METTL15: variants seen among roughly 807,000 people sequenced by gnomAD.
METTL15 encodes 12S rRNA N(4)-cytidine methyltransferase METTL15.
Under a neutral mutation model 38.3 loss-of-function variants are expected in METTL15, and 34 were observed. The observed-to-expected ratio is 0.89, with a 90% CI of 0.68 to 1.18. METTL15 has a LOEUF of 1.18. Ranked by LOEUF, METTL15 falls within the 50% of genes most tolerant of loss-of-function variation. The probability of loss-of-function intolerance (pLI) is 0.00; values close to 1 mark genes in which losing one functional copy is unlikely to be tolerated. For missense variants in METTL15, 438 were observed against 498.4 expected (o/e 0.88, Z 1.15); for synonymous variants, 162 against 170.9 (o/e 0.95, Z 0.41).
chr11:28,309,764 T>G (rs1326012487), intron 6 of METTL15, among the ~76,000 whole-genome samples: 1 of 152,192 alleles, frequency 6.6e-6, no homozygotes, highest in East Asian at 1.9e-4. Flanking sequence ...TTTCCTAGTC[T>G]CTGGGATGGA....
chr11:28,256,120 T>C (rs1279169282), intron 4 of METTL15, among the ~76,000 whole-genome samples: 1 of 152,218 alleles, frequency 6.6e-6, no homozygotes, highest in Non-Finnish European at 1.5e-5. Flanking sequence ...TATTGAGGGT[T>C]TTTGCATTAA....
intron 6 of METTL15, among the ~76,000 whole-genome samples, chr11:28,454,190 G>T (rs1005481014): frequency 1.3e-5 from 2 of 152,188 alleles, no homozygotes; most frequent in Admixed American, 6.5e-5. Context: ...TTATCTAAGT[G>T]TAAGTCATTC....
At chr11:28,362,169 G>A (rs1191269458) in intron 5 of METTL15, 1 of 152,030 alleles carries the variant, frequency 6.6e-6, no homozygotes, top group African/African-American at 2.4e-5. Flanking sequence ...AGTAGAAATA[G>A]CATTAGACAA....
At chr11:28,335,752 T>C (rs1007322209), downstream of METTL15, among the ~76,000 whole-genome samples, 1 of 152,152 alleles carries the variant, frequency 6.6e-6, no homozygotes, top group Non-Finnish European at 1.5e-5. Context: ...TGCCTTGTGA[T>C]TACACACCAG....
chr11:28,421,657 A>G (rs1030796907), intron 5 of METTL15, among the ~76,000 whole-genome samples: 1 of 151,988 alleles, frequency 6.6e-6, no homozygotes, highest in Non-Finnish European at 1.5e-5. Context: ...AAAATTTAAC[A>G]TCTGCATGAT....
chr11:28,422,049 A>G (rs577520163), intron 5 of METTL15, among the ~76,000 whole-genome samples: 57 of 152,216 alleles, frequency 3.7e-4, no homozygotes, highest in Non-Finnish European at 6.3e-4. Context: ...CCAACAGCAA[A>G]CAATCTGGAA....
At chr11:28,419,648 G>A (rs1233158963) in intron 5 of METTL15, among the ~76,000 whole-genome samples, 1 of 152,086 alleles carries the variant, frequency 6.6e-6, no homozygotes, top group Non-Finnish European at 1.5e-5. Flanking sequence ...AGGAAAACAT[G>A]ACCTTACCAA....
At chr11:28,401,605 C>T (rs935994876) in intron 5 of METTL15, among the ~76,000 whole-genome samples, 35 of 151,972 alleles carry the variant, frequency 2.3e-4, no homozygotes, top group African/African-American at 7.0e-4. Flanking sequence ...CCATACTAGC[C>T]CACACACAAG....
intron 6 of METTL15, among the ~76,000 whole-genome samples, chr11:28,432,499 G>A (rs534145215): frequency 6.6e-6 from 1 of 152,312 alleles, no homozygotes; most frequent in Admixed American, 6.5e-5. Flanking sequence ...GAAGGCAAGA[G>A]GGGCGAATGC....
rs1849861676 is a variant in METTL15 at position 28,333,102 on chromosome 11, T to C, written c.*2261T>C. On this transcript the variant is annotated 3_prime_UTR_variant, in exon 7 of 7. Coordinates refer to ENST00000407364, the MANE Select transcript of METTL15 (RefSeq NM_001113528.2). ...GAGTTCCAGTAGTTGCCAACCCTGC[T>C]AACATGGTTTTGCACATCTAGCATC... 1 of 151,688 alleles carries C rather than the reference T, an allele frequency of 6.6e-6. No individual in the cohort carries two copies. Among genetic ancestry groups the C allele is most frequent in the South Asian group, 2.1e-4 (1 of 4,792 alleles). 9.4% of individuals were successfully genotyped at this position (151,688 alleles called of 1,614,324 possible).
At chr11:28,529,068 T>C (rs1851829651), downstream of METTL15, among the ~76,000 whole-genome samples, 1 of 152,164 alleles carries the variant, frequency 6.6e-6, no homozygotes, top group African/African-American at 2.4e-5. Context: ...CCTAAAATGT[T>C]CAGGAAGGAT....
chr11:28,113,740 A>T lies in METTL15; in HGVS notation c.270+136A>T, dbSNP rs1450049691. On this transcript the variant is annotated intron_variant, in intron 3 of 6. Transcript: ENST00000407364. ...TCCCAACTTTTGATGGTTGATGCGA[A>T]AGTGATACACATTCAGTAGAAATTG... The T allele has an allele frequency of 7.0e-6, 6 of 862,014 alleles. No homozygotes were observed. The African/African-American group carries it at 8.6e-5, about 12-fold the overall frequency. 53.4% of individuals were successfully genotyped at this position (862,014 alleles called of 1,614,324 possible). A position where few individuals can be genotyped will look rare whatever the true frequency, so the allele number is the denominator to read the frequency against.
intron 4 of METTL15, among the ~76,000 whole-genome samples, chr11:28,235,351 T>G (rs895990003): frequency 6.6e-6 from 1 of 152,012 alleles, no homozygotes; most frequent in Non-Finnish European, 1.5e-5. Flanking sequence ...AGAAAGTCAT[T>G]GGTAGCTTGA....
At chr11:28,468,379 C>A (rs7123683) in intron 6 of METTL15, among the ~76,000 whole-genome samples, 1 of 151,756 alleles carries the variant, frequency 6.6e-6, no homozygotes, top group Non-Finnish European at 1.5e-5. Context: ...AGTGCGTTCA[C>A]GAAAAAACAA....
intron 6 of METTL15, among the ~76,000 whole-genome samples, chr11:28,478,333 A>T (rs1160638991): frequency 6.6e-6 from 1 of 152,158 alleles, no homozygotes. Flanking sequence ...ACTCACAGAG[A>T]TGGTGATTAT....
intron 4 of METTL15, among the ~76,000 whole-genome samples, chr11:28,260,260 A>C (rs945342316): frequency 3.3e-5 from 5 of 152,140 alleles, no homozygotes; most frequent in Non-Finnish European, 7.3e-5. Flanking sequence ...CCTGTTTCAT[A>C]GATGTCACTT....
chr11:28,378,872 A>T (rs1465939911), intron 5 of METTL15, among the ~76,000 whole-genome samples: 1 of 150,314 alleles, frequency 6.7e-6, no homozygotes, highest in African/African-American at 2.4e-5. Flanking sequence ...TTAATAAGAG[A>T]CTTTTTATTA....
At chr11:28,372,333 T>C (rs756793925) in intron 5 of METTL15, among the ~76,000 whole-genome samples, 9 of 152,092 alleles carry the variant, frequency 5.9e-5, no homozygotes, top group Non-Finnish European at 1.3e-4. Flanking sequence ...TCTCACTTGA[T>C]CATGGTGAAT....
intron 3 of METTL15, among the ~76,000 whole-genome samples, chr11:28,204,347 G>C (rs2133824985): frequency 6.6e-6 from 1 of 151,270 alleles, no homozygotes; most frequent in Admixed American, 6.6e-5. Flanking sequence ...TTTAGTGTTG[G>C]CGAGACCTAG....
Sources: allele counts gnomAD v4.1 joint callset (sites outside exome capture counted in the v4.1 genomes callset), GRCh38; gene constraint gnomAD v4.1.1; transcripts MANE v1.5; gene names NCBI Gene and HGNC (gene_info 2026-07-23, HGNC 2026-07-21).